Variants in DCAF8 observed in about 807,000 individuals in gnomAD.
DCAF8 encodes the protein DDB1 and CUL4 associated factor 8.
Under a neutral mutation model 68.0 loss-of-function variants are expected in DCAF8, and 20 were observed. That is an observed-to-expected ratio of 0.29 (90% CI 0.21 to 0.43). The LOEUF (loss-of-function observed/expected upper bound fraction) is 0.43, where lower values mean the gene tolerates loss of function less well. Ranked by LOEUF, DCAF8 falls within the 20% of genes least tolerant of loss-of-function variation. The pLI is 1.00. For synonymous variants in DCAF8, 230 were observed against 276.9 expected (o/e 0.83, Z 1.68); for missense variants, 460 against 771.0 (o/e 0.60, Z 4.78).
rs761671974 is a variant in DCAF8, at chr1:160,239,558, T to C, written c.723+139A>G. ...GAGTCTTTCAGTGTATTTAGGTCAT[T>C]AGGGGAGCCAAAGTAGGGCCATGTC... On this transcript the variant is annotated intron_variant, in intron 4 of 13. Coordinates refer to ENST00000368074, the MANE Select transcript of DCAF8 (RefSeq NM_015726.4). 1.1e-5 allele frequency: 17 copies of C among 1,581,580 alleles called. No homozygotes were observed. In the South Asian group the frequency reaches 1.4e-4, roughly 13 times the overall value.
Position 160,253,647 on chromosome 1 carries a change from CAAAAAA to C in DCAF8, c.-27+7632_-27+7637del, listed in dbSNP as rs747211563. ...TGTGCGACAGGGTGAGACTCCATCT[CAAAAAA>C]AAAAAAAAAAAAAAAAAAAAAAAAT... is the stretch of plus-strand genomic sequence containing the variant. On this transcript the variant is annotated intron_variant, in intron 2 of 13. Coordinates refer to ENST00000368074, the MANE Select transcript of DCAF8 (RefSeq NM_015726.4). Among the ~76,000 whole-genome samples the C allele has an allele frequency of 4.2e-3, 112 of 26,938 alleles. No homozygotes were observed. In the South Asian group the frequency reaches 0.18, roughly 43 times the overall value. The allele number at this position is 26,938 out of a possible 152,430, so 17.7% of individuals were successfully genotyped here. A position where few individuals can be genotyped will look rare whatever the true frequency, so the allele number is the denominator to read the frequency against.
chr1:160,259,252 T>C (rs1425044616), intron 2 of DCAF8, among the ~76,000 whole-genome samples: 1 of 152,182 alleles, frequency 6.6e-6, no homozygotes, highest in Admixed American at 6.5e-5. Flanking sequence ...AAGAACTCTT[T>C]GGCCGGGCAT....
intron 5 of DCAF8, 29 bp downstream of exon 5, chr1:160,238,578 C>A (rs1376048647): frequency 1.3e-6 from 2 of 1,571,398 alleles, no homozygotes; most frequent in Non-Finnish European, 1.7e-6. Flanking sequence ...ATTTGGATTG[C>A]ACAAATTTTG....
intron 6 of DCAF8, 42 bp downstream of exon 6, chr1:160,237,093 C>G: frequency 7.2e-7 from 1 of 1,389,068 alleles, no homozygotes; most frequent in Non-Finnish European, 9.9e-7. Context: ...ATGTTCAAGG[C>G]TAAGAGATAC....
At chr1:160,233,206 T>C (rs1437143760) in intron 6 of DCAF8, among the ~76,000 whole-genome samples, 1 of 152,234 alleles carries the variant, frequency 6.6e-6, no homozygotes, top group African/African-American at 2.4e-5. Context: ...AGAACTGTTC[T>C]AGGCAAAGTG....
intron 6 of DCAF8, among the ~76,000 whole-genome samples, chr1:160,233,035 A>C (rs1314469699): frequency 1.3e-5 from 2 of 152,160 alleles, no homozygotes; most frequent in African/African-American, 4.8e-5. Flanking sequence ...GACTTCAAGA[A>C]ACTATAGGAA....
intron 3 of DCAF8, among the ~76,000 whole-genome samples, chr1:160,241,871 A>G (rs1649553714): frequency 6.6e-6 from 1 of 152,224 alleles, no homozygotes; most frequent in Non-Finnish European, 1.5e-5. Flanking sequence ...TGTACTCTTA[A>G]GCAAAACCCA....
intron 3 of DCAF8, among the ~76,000 whole-genome samples, chr1:160,243,325 G>A (rs926498429): frequency 6.6e-6 from 1 of 152,064 alleles, no homozygotes; most frequent in African/African-American, 2.4e-5. Flanking sequence ...AAAGAAGGGA[G>A]GGGAAGTAAG....
intron 2 of DCAF8, among the ~76,000 whole-genome samples, chr1:160,244,622 CT>C (rs879565106): frequency 1.3e-3 from 186 of 144,574 alleles, no homozygotes; most frequent in Middle Eastern, 3.5e-3. Flanking sequence ...ATTATTCTTT[CT>C]TTTTTTTTTT....
At position 160,240,236 on chromosome 1, in the gene DCAF8, T is replaced by G; in HGVS notation, c.184A>C (p.Thr62Pro). 2 of 1,614,170 alleles carry G rather than the reference T, an allele frequency of 1.2e-6. No homozygotes were observed. The highest frequency in any genetic ancestry group is 1.7e-6 in the Non-Finnish European group (2 of 1,180,028). ...GDDGGPNRTSTESRGTDTESS... is the reference protein window; with the variant it reads ...GDDGGPNRTSPESRGTDTESS... Reference sequence around the variant, plus strand: ...TCTGTGTCTGTGCCTCGACTTTCTGTGCTGGTGCGGTTGGGGCCACCATCA... The same window carrying G: ...TCTGTGTCTGTGCCTCGACTTTCTGGGCTGGTGCGGTTGGGGCCACCATCA... The change falls in exon 4 of 14, where the codon ACA (threonine) becomes CCA (proline). Residue 62 changes from threonine to proline, a missense_variant. Physicochemically the swap from Thr to Pro is conservative, Grantham distance 38. Around this residue, in one of 8 missense-constraint regions of DCAF8, gnomAD observed 156 missense variants for 181.4 expected, o/e 0.86. Coordinates refer to ENST00000368074, the MANE Select transcript of DCAF8 (RefSeq NM_015726.4).
intron 9 of DCAF8, 41 bp downstream of exon 9, chr1:160,225,021 A>T: frequency 6.2e-7 from 1 of 1,602,136 alleles, no homozygotes; most frequent in Non-Finnish European, 8.6e-7. Context: ...CCCTAGACAG[A>T]GGGGGCATGC....
Position 160,247,794 on chromosome 1 carries a change from C to T in DCAF8, c.-26-3760G>A, listed in dbSNP as rs79870736. Among the ~76,000 whole-genome samples the T allele has an allele frequency of 1.8e-3, 280 of 151,896 alleles. 4 individuals are homozygous for T. The East Asian group carries it at 0.028, about 15-fold the overall frequency. The stretch of plus-strand genomic sequence containing the variant: ...CCAGAATAACTGAACATTCAACTGC[C>T]AAAAGAAAAAAACTAAAGAACCTCA... On this transcript the variant is annotated intron_variant, in intron 2 of 13. Coordinates refer to ENST00000368074, the MANE Select transcript of DCAF8 (RefSeq NM_015726.4).
chr1:160,224,286 G>A (rs184026407), intron 10 of DCAF8, among the ~76,000 whole-genome samples, 156 bp downstream of exon 10: 3 of 152,256 alleles, frequency 2.0e-5, no homozygotes, highest in East Asian at 1.9e-4. Flanking sequence ...CTAGCATAGC[G>A]GAGAAAACAT....
Position 160,262,450 on chromosome 1 carries a change from C to T in DCAF8, c.-102G>A, listed in dbSNP as rs1657144660. On this transcript the variant is annotated splice_region_variant and 5_prime_UTR_variant, in exon 1 of 14. Transcript: ENST00000368074. ...CCACCAACGCCGCCGCCATCTTACA[C>T]TGGCCAGCGGCCGCCACCACCACCG... The T allele has an allele frequency of 5.0e-6, 2 of 401,498 alleles. No homozygotes were observed. Among genetic ancestry groups the T allele is most frequent in the Middle Eastern group, 6.3e-4 (1 of 1,600 alleles). 24.9% of individuals were successfully genotyped at this position (401,498 alleles called of 1,614,324 possible). A position where few individuals can be genotyped will look rare whatever the true frequency, so the allele number is the denominator to read the frequency against.
At chr1:160,245,899 G>A (rs1002799922) in intron 2 of DCAF8, among the ~76,000 whole-genome samples, 3 of 152,154 alleles carry the variant, frequency 2.0e-5, no homozygotes, top group Non-Finnish European at 2.9e-5. Flanking sequence ...AGCACTTTGG[G>A]AGGCCGAGGA....
rs749593199 is a variant in DCAF8 at position 160,218,819 on chromosome 1, A to G, written c.1560+30T>C. The G allele has an allele frequency of 1.9e-5, 30 of 1,613,272 alleles. 1 individual carries two copies. In the Admixed American group the frequency reaches 3.0e-4, roughly 16 times the overall value. On this transcript the variant is annotated intron_variant, in intron 12 of 13. Coordinates refer to ENST00000368074, the MANE Select transcript of DCAF8 (RefSeq NM_015726.4). ...ATCAACAGTATGTGGATAAGCAGAA[A>G]GAAAATAACTTCTGCAGTCAGCCAC...
intron 9 of DCAF8, 84 bp from the exon 10 acceptor site, chr1:160,224,633 G>T: frequency 2.0e-6 from 2 of 996,918 alleles, no homozygotes; most frequent in South Asian, 2.7e-5. Context: ...GGGGCTTCTT[G>T]CCAGTAGTGC....
At chr1:160,240,573 C>T (rs1656071887) in intron 3 of DCAF8, among the ~76,000 whole-genome samples, 1 of 152,150 alleles carries the variant, frequency 6.6e-6, no homozygotes, top group African/African-American at 2.4e-5. Context: ...AGATCAAATC[C>T]ACACACATAA....
At chr1:160,220,124 C>T (rs1197855180) in intron 11 of DCAF8, 1 of 152,262 alleles carries the variant, frequency 6.6e-6, no homozygotes, top group African/African-American at 2.4e-5. Flanking sequence ...GAAGCTAAGA[C>T]TGAGCTTATG....
Sources: allele counts gnomAD v4.1 joint callset (sites outside exome capture counted in the v4.1 genomes callset), GRCh38; gene constraint gnomAD v4.1.1; regional missense constraint gnomAD v4.1.1; transcripts MANE v1.5; gene names NCBI Gene and HGNC (gene_info 2026-07-23, HGNC 2026-07-21).